Variants in CORO2B observed in about 807,000 individuals in gnomAD.
CORO2B encodes coronin-2B.
Under a neutral mutation model 58.8 loss-of-function variants are expected in CORO2B, and 26 were observed. That is an observed-to-expected ratio of 0.44 (90% confidence interval 0.32 to 0.61). The LOEUF (loss-of-function observed/expected upper bound fraction) is 0.61. Among genes scored for constraint, CORO2B ranks in the 20% least tolerant of loss-of-function variants. The pLI, the probability that CORO2B is intolerant of heterozygous loss-of-function variation, is 0.04. For missense variants in CORO2B, 460 were observed against 645.1 expected (o/e 0.71, Z 3.11); for synonymous variants, 242 against 253.8 (o/e 0.95, Z 0.44).
chr15:68,697,136 G>A (rs1322029891), intron 3 of CORO2B, among the ~76,000 whole-genome samples: 2 of 151,576 alleles, frequency 1.3e-5, no homozygotes, highest in Non-Finnish European at 2.9e-5. Flanking sequence ...ATGGATGGAT[G>A]GATGGATTGT....
At position 68,719,231 on chromosome 15, in the gene CORO2B, C is replaced by G. The variant is rs1443965588; in HGVS notation, c.1168C>G (p.Arg390Gly). 1 of 1,613,700 alleles carries G rather than the reference C, an allele frequency of 6.2e-7. No individual in the cohort carries two copies. Among genetic ancestry groups the G allele is most frequent in the Non-Finnish European group, 8.5e-7 (1 of 1,179,836 alleles). The change falls in exon 10 of 12, where the codon CGA becomes GGA. Residue 390 changes from arginine (R) to glycine (G), a missense_variant. This residue lies in a region of CORO2B where 352 missense variants were observed against 543.0 expected (regional missense o/e 0.65). Coordinates refer to ENST00000261861, the MANE Select transcript of CORO2B (RefSeq NM_006091.5). ...TPDEWLGGIN[R>G]DPVLMSLKEG... ...GGATGAATGGCTGGGAGGCATCAAC[C>G]GAGGTACCACAGCGGGGGGCTCCAC...
At chr15:68,723,646 G>GT (rs1274725318) in intron 11 of CORO2B, among the ~76,000 whole-genome samples, 3 of 151,864 alleles carry the variant, frequency 2.0e-5, no homozygotes, top group Non-Finnish European at 4.4e-5. Flanking sequence ...TAGAGATGGG[G>GT]TTTCACCATC....
At position 68,688,647 on chromosome 15, in the gene CORO2B, C is replaced by G. The variant is rs149532286; in HGVS notation, c.217-6493C>G. 6.2e-3 allele frequency among the ~76,000 whole-genome samples: 951 copies of G among 152,260 alleles called. 52 individuals are homozygous for G. Among genetic ancestry groups the G allele is most frequent in the Admixed American group, 0.057 (875 of 15,290 alleles). ...AGCAATGCTCATGCCACTAAATATT[C>G]TTTGAATATATGATCTTAAATGACC... is the stretch of plus-strand genomic sequence containing the variant. On this transcript the variant is annotated intron_variant, in intron 2 of 11. Coordinates refer to ENST00000261861, the MANE Select transcript of CORO2B (RefSeq NM_006091.5).
chr15:68,545,795 C>A, the CORO2B span, among the ~76,000 whole-genome samples: 1 of 152,156 alleles, frequency 6.6e-6, no homozygotes. Context: ...GCTGGGGGTA[C>A]CCCGGGGATG....
chr15:68,560,107 G>A, the CORO2B span, among the ~76,000 whole-genome samples: 3 of 152,292 alleles, frequency 2.0e-5, no homozygotes, highest in Non-Finnish European at 2.9e-5. Flanking sequence ...ACTTGCACCC[G>A]TGCAGTGCTC....
In CORO2B at chr15:68,718,829, G is replaced by T. The variant is rs1449262925; in HGVS notation, c.1080+19G>T. 1.3e-6 allele frequency: 2 copies of T among 1,590,520 alleles called. No homozygotes were observed. Among genetic ancestry groups the T allele is most frequent in the Non-Finnish European group, 1.7e-6 (2 of 1,159,400 alleles). On this transcript the variant is annotated intron_variant, in intron 9 of 11. Transcript: ENST00000261861. Reference sequence around the variant, plus strand: ...CCGGAGGGTAAGTGGGGCTGGGCTGGGCTCCAGGAGGGGGGCCTGCATCGC... The same window carrying T: ...CCGGAGGGTAAGTGGGGCTGGGCTGTGCTCCAGGAGGGGGGCCTGCATCGC...
the CORO2B span, among the ~76,000 whole-genome samples, chr15:68,542,931 A>G: frequency 6.6e-6 from 1 of 152,186 alleles, no homozygotes. Flanking sequence ...TCAGCAATCA[A>G]TGTGTGACTT....
At position 68,727,189 on chromosome 15, in the gene CORO2B, G is replaced by A. The variant is rs148897482; in HGVS notation, c.*1215G>A. 9.5e-3 allele frequency: 1,456 copies of A among 152,722 alleles called. 10 individuals are homozygous for A. Among genetic ancestry groups the A allele is most frequent in the Middle Eastern group, 0.014 (4 of 294 alleles). 9.5% of individuals were successfully genotyped at this position (152,722 alleles called of 1,614,324 possible). A position where few individuals can be genotyped will look rare whatever the true frequency, so the allele number is the denominator to read the frequency against. Reference sequence around the variant, plus strand: ...GCACGTAGAATGACCACAGCCACTCGCATCCGTATAGCACTTTAAAGTTTC... The same window carrying A: ...GCACGTAGAATGACCACAGCCACTCACATCCGTATAGCACTTTAAAGTTTC... On this transcript the variant is annotated 3_prime_UTR_variant, in exon 12 of 12. Transcript: ENST00000261861.
intron 2 of CORO2B, among the ~76,000 whole-genome samples, chr15:68,665,517 G>T (rs1902163635): frequency 6.6e-6 from 1 of 150,548 alleles, no homozygotes; most frequent in African/African-American, 2.4e-5. Flanking sequence ...AGAAAATATT[G>T]ATATTTTATT....
intron 2 of CORO2B, among the ~76,000 whole-genome samples, chr15:68,686,208 G>A (rs1269891564): frequency 1.4e-5 from 2 of 145,292 alleles, no homozygotes; most frequent in Non-Finnish European, 3.1e-5. Flanking sequence ...GGCTAATTTT[G>A]TAGTTTTGGT....
chr15:68,721,586 AT>A (rs901068250), intron 11 of CORO2B, among the ~76,000 whole-genome samples: 6 of 152,080 alleles, frequency 3.9e-5, no homozygotes, highest in African/African-American at 1.4e-4. Flanking sequence ...CGCGCCTGTA[AT>A]CCCAGCTGCT....
At chr15:68,632,535 C>G (rs1900872376) in intron 1 of CORO2B, among the ~76,000 whole-genome samples, 1 of 152,126 alleles carries the variant, frequency 6.6e-6, no homozygotes, top group African/African-American at 2.4e-5. Context: ...TTTTTTGAGT[C>G]CTGCTTTAAC....
In CORO2B at chr15:68,727,244, G is replaced by C. The variant is rs976727277; in HGVS notation, c.*1270G>C. On this transcript the variant is annotated 3_prime_UTR_variant, in exon 12 of 12. Coordinates refer to ENST00000261861, the MANE Select transcript of CORO2B (RefSeq NM_006091.5). ...GTCCTTTGACACATAGGATCTCATG[G>C]AGCCTCACGTCTACTCCCTTCTGCA... 3 of 152,610 alleles carry C rather than the reference G, an allele frequency of 2.0e-5. No individual in the cohort carries two copies. The highest frequency in any genetic ancestry group is 4.4e-5 in the Non-Finnish European group (3 of 68,052). The allele number at this position is 152,610 out of a possible 1,614,324, so 9.5% of individuals were successfully genotyped here.
chr15:68,613,998 C>T (rs1040984642), intron 1 of CORO2B, among the ~76,000 whole-genome samples: 5 of 152,152 alleles, frequency 3.3e-5, no homozygotes, highest in Non-Finnish European at 7.3e-5. Context: ...ATATTTGAAG[C>T]CCATAATTTT....
At chr15:68,703,261 C>T (rs539457589) in intron 3 of CORO2B, among the ~76,000 whole-genome samples, 25 of 150,514 alleles carry the variant, frequency 1.7e-4, no homozygotes, top group Non-Finnish European at 3.2e-4. Context: ...AATGATTCTC[C>T]TGCCTCAGCT....
chr15:68,591,074 G>T (rs571522243), intron 1 of CORO2B, among the ~76,000 whole-genome samples: 14 of 152,320 alleles, frequency 9.2e-5, no homozygotes, highest in African/African-American at 2.9e-4. Flanking sequence ...CCTGGTCTGT[G>T]GGGGGACACA....
chr15:68,556,897 G>A, the CORO2B span, among the ~76,000 whole-genome samples: 5 of 152,256 alleles, frequency 3.3e-5, no homozygotes, highest in East Asian at 5.8e-4. Context: ...CTAGTGAGGA[G>A]GGGACTCACG....
At chr15:68,712,468 T>C (rs530855434) in intron 5 of CORO2B, among the ~76,000 whole-genome samples, 2 of 152,328 alleles carry the variant, frequency 1.3e-5, no homozygotes, top group East Asian at 3.9e-4. Context: ...AAATGCTCAT[T>C]GGAACATTTC....
intron 2 of CORO2B, among the ~76,000 whole-genome samples, chr15:68,652,199 C>T (rs1018558000): frequency 2.6e-5 from 4 of 152,340 alleles, no homozygotes; most frequent in African/African-American, 9.6e-5. Context: ...CTGTCTTCCC[C>T]AGGTCTCTTA....
Sources: gnomAD v4.1 joint callset for allele counts (sites outside exome capture counted in the v4.1 genomes callset) on GRCh38, gnomAD v4.1.1 for gene constraint, gnomAD v4.1.1 regional missense constraint, MANE v1.5 for transcripts, NCBI Gene and HGNC (gene_info 2026-07-23, HGNC 2026-07-21) for gene names.